Variants in HTR2C observed in about 807,000 individuals in gnomAD.
HTR2C encodes 5-hydroxytryptamine (serotonin) receptor 2C, G protein-coupled.
A neutral mutation model predicts 21.0 loss-of-function variants in HTR2C; 5 were observed. The ratio of observed to expected loss-of-function variants is 0.24; its 90% CI spans 0.12 to 0.50. The LOEUF is 0.50. Among genes scored for constraint, HTR2C ranks in the 20% least tolerant of loss-of-function variants. The probability of loss-of-function intolerance (pLI) is 0.98; values close to 1 mark genes in which losing one functional copy is unlikely to be tolerated. For missense variants in HTR2C, 271 were observed against 371.2 expected (o/e 0.73, Z 2.22); for synonymous variants, 150 against 145.3 (o/e 1.03, Z -0.23).
rs1326325838 is a variant in HTR2C, at chrX:114,798,765, G to A, written c.350-49238G>A. On this transcript the variant is annotated intron_variant, in intron 4 of 5. Coordinates refer to ENST00000276198, the MANE Select transcript of HTR2C (RefSeq NM_000868.4). ...ACTTAACCATAATATGTTATTGCAG[G>A]TCATAGTAAAGACAACACATTATCT... Among the ~76,000 whole-genome samples, 3 of 111,101 alleles carry A rather than the reference G, an allele frequency of 2.7e-5. No homozygotes were observed. The East Asian group carries it at 8.5e-4, about 31-fold the overall frequency.
chrX:114,629,908 G>C (rs930200820), intron 2 of HTR2C, among the ~76,000 whole-genome samples: 3 of 111,261 alleles, frequency 2.7e-5, no homozygotes, highest in Admixed American at 1.9e-4. Flanking sequence ...CTATTAATTA[G>C]AGTAGTGCTT....
chrX:114,749,467 AAAAAAAAAAG>A (rs2069739199), intron 4 of HTR2C, among the ~76,000 whole-genome samples: 2 of 106,198 alleles, frequency 1.9e-5, no homozygotes, highest in African/African-American at 6.9e-5. Context: ...AAAAAAAAAA[AAAAAAAAAAG>A]AAAAAAAAAA....
chrX:114,701,425 C>T (rs1195823809), intron 2 of HTR2C, among the ~76,000 whole-genome samples: 1 of 111,787 alleles, frequency 8.9e-6, no homozygotes, highest in East Asian at 2.8e-4. Context: ...GTTCTGCAGC[C>T]ACTGCTGCTG....
At chrX:114,729,763 A>C (rs2069517849) in intron 3 of HTR2C, among the ~76,000 whole-genome samples, 1 of 111,742 alleles carries the variant, frequency 8.9e-6, no homozygotes, top group African/African-American at 3.2e-5. Flanking sequence ...TACTATCTTC[A>C]GTTCAAAGAA....
intron 2 of HTR2C, among the ~76,000 whole-genome samples, chrX:114,657,718 T>A (rs187532901): frequency 2.5e-4 from 28 of 111,584 alleles, no homozygotes; most frequent in African/African-American, 9.1e-4. Flanking sequence ...TTTTTTATTA[T>A]GCTTTAAGTT....
chrX:114,739,343 T>A lies in HTR2C; in HGVS notation c.349+7736T>A, dbSNP rs186202708. On this transcript the variant is annotated intron_variant, in intron 4 of 5. Coordinates refer to ENST00000276198, the MANE Select transcript of HTR2C (RefSeq NM_000868.4). Reference sequence around the variant, plus strand: ...TAGAGTTATAAAAACTGAACAAGTATAACCATCTCTTTTTCCAGTGTATCT... The same window carrying A: ...TAGAGTTATAAAAACTGAACAAGTAAAACCATCTCTTTTTCCAGTGTATCT... Among the ~76,000 whole-genome samples, 536 of 111,771 alleles carry A rather than the reference T, an allele frequency of 4.8e-3. 4 individuals are homozygous for A. The highest frequency in any genetic ancestry group is 0.016 in the African/African-American group (501 of 30,825).
chrX:114,833,323 C>T (rs2070747705), intron 4 of HTR2C, among the ~76,000 whole-genome samples: 2 of 103,061 alleles, frequency 1.9e-5, no homozygotes, highest in African/African-American at 6.9e-5. Context: ...GTGAATCCAT[C>T]TGGTCCTGGA....
At chrX:114,808,277 T>C (rs1243028380) in intron 4 of HTR2C, among the ~76,000 whole-genome samples, 2 of 111,677 alleles carry the variant, frequency 1.8e-5, no homozygotes, top group Non-Finnish European at 3.8e-5. Flanking sequence ...CCCAGTTCCA[T>C]CCATGTTGTT....
intron 2 of HTR2C, among the ~76,000 whole-genome samples, chrX:114,621,700 A>C (rs926413770): frequency 8.9e-6 from 1 of 111,814 alleles, no homozygotes; most frequent in Non-Finnish European, 1.9e-5. Context: ...AGTAGGAGAA[A>C]GTGAAAGACA....
At chrX:114,796,632 CAG>C (rs1556445342) in intron 4 of HTR2C, among the ~76,000 whole-genome samples, 1 of 111,842 alleles carries the variant, frequency 8.9e-6, no homozygotes, top group Non-Finnish European at 1.9e-5. Context: ...CTCCACACCA[CAG>C]GGCCATCTAA....
intron 5 of HTR2C, among the ~76,000 whole-genome samples, chrX:114,863,824 G>T (rs782115635): frequency 4.0e-4 from 44 of 110,725 alleles, no homozygotes; most frequent in Non-Finnish European, 9.5e-5. Flanking sequence ...TCCAATGTTG[G>T]GTGCATAAAT....
At chrX:114,699,732 T>A (rs1184851347) in intron 2 of HTR2C, among the ~76,000 whole-genome samples, 1 of 112,017 alleles carries the variant, frequency 8.9e-6, no homozygotes, top group Non-Finnish European at 1.9e-5. Flanking sequence ...TAGTTATACT[T>A]TGAAAGTCTA....
At chrX:114,805,546 T>C (rs868968540) in intron 4 of HTR2C, among the ~76,000 whole-genome samples, 2 of 9,321 alleles carry the variant, frequency 2.1e-4, no homozygotes, top group African/African-American at 3.6e-4. Flanking sequence ...GTATATGGTG[T>C]ATATATATAC....
intron 4 of HTR2C, among the ~76,000 whole-genome samples, chrX:114,806,872 GTATATACACCA>G (rs1569496015): frequency 2.2e-5 from 2 of 92,884 alleles, no homozygotes; most frequent in African/African-American, 8.0e-5. Flanking sequence ...TATATACCAT[GTATATACACCA>G]TATATATACC....
intron 5 of HTR2C, 139 bp from the exon 6 acceptor site, chrX:114,906,450 C>T (rs782052824): frequency 3.6e-4 from 165 of 455,487 alleles, no homozygotes; most frequent in Admixed American, 5.5e-4. Context: ...ATGTGACTAT[C>T]GATTATGCCG....
intron 4 of HTR2C, among the ~76,000 whole-genome samples, chrX:114,798,082 G>A (rs1309397572): frequency 9.7e-6 from 1 of 103,189 alleles, no homozygotes; most frequent in Non-Finnish European, 2.0e-5. Context: ...ATCTCATTGA[G>A]CCTATAAGAA....
chrX:114,706,466 C>A (rs1932770562), intron 2 of HTR2C, among the ~76,000 whole-genome samples: 1 of 98,557 alleles, frequency 1.0e-5, no homozygotes, highest in Admixed American at 1.2e-4. Context: ...GGAAAAAAAA[C>A]CAAACACCGC....
chrX:114,787,043 A>G (rs1322476103), intron 4 of HTR2C, among the ~76,000 whole-genome samples: 1 of 111,786 alleles, frequency 8.9e-6, no homozygotes, highest in Admixed American at 9.5e-5. Flanking sequence ...AATTTTCGAC[A>G]TCTGCCAAGA....
At chrX:114,601,343 G>T (rs1246535500) in intron 1 of HTR2C, among the ~76,000 whole-genome samples, 1 of 110,161 alleles carries the variant, frequency 9.1e-6, no homozygotes, top group African/African-American at 3.3e-5. Flanking sequence ...TTTCACCTGG[G>T]TGCAGGTGGG....
Sources: allele counts gnomAD v4.1 joint callset (sites outside exome capture counted in the v4.1 genomes callset), GRCh38; gene constraint gnomAD v4.1.1; transcripts MANE v1.5; gene names NCBI Gene and HGNC (gene_info 2026-07-23, HGNC 2026-07-21).